Variants in ADGRB3 observed in about 807,000 individuals in gnomAD.
The protein encoded by ADGRB3 is brain-specific angiogenesis inhibitor 3.
ADGRB3 carries 37 observed loss-of-function variants against 193.4 expected under a neutral mutation model. That is an observed-to-expected ratio of 0.19 (90% CI 0.15 to 0.25). ADGRB3 has a LOEUF of 0.25. Ranked by LOEUF, ADGRB3 falls within the 10% of genes least tolerant of loss-of-function variation. The pLI, the probability that ADGRB3 is intolerant of heterozygous loss-of-function variation, is 1.00. For synonymous variants in ADGRB3, 690 were observed against 644.2 expected, an observed-to-expected ratio of 1.07 and a Z score of -1.08; for missense variants, 1,637 against 1,852.9, an observed-to-expected ratio of 0.88 and a Z score of 2.14.
intron 17 of ADGRB3, among the ~76,000 whole-genome samples, chr6:69,176,829 G>T (rs1361805452): frequency 1.3e-5 from 2 of 152,062 alleles, no homozygotes; most frequent in Non-Finnish European, 2.9e-5. Flanking sequence ...TCTGCTCAGG[G>T]TTTCAATTTC....
At chr6:69,182,408 G>GAAA (rs35063094) in intron 17 of ADGRB3, among the ~76,000 whole-genome samples, 17 of 138,602 alleles carry the variant, frequency 1.2e-4, no homozygotes, top group Non-Finnish European at 1.4e-4. Context: ...ACAACAACAA[G>GAAA]AAAAAAAAAA....
intron 3 of ADGRB3, among the ~76,000 whole-genome samples, chr6:68,749,264 C>T (rs6455297): frequency 0.4 from 60,342 of 151,960 alleles, 12,637 homozygotes; most frequent in African/African-American, 0.52. Context: ...TCTTTTCTGT[C>T]GCATAGTCAG....
At chr6:68,728,252 G>T (rs1156480941) in intron 3 of ADGRB3, among the ~76,000 whole-genome samples, 1 of 151,126 alleles carries the variant, frequency 6.6e-6, no homozygotes, top group Admixed American at 6.6e-5. Flanking sequence ...GTGATGTTTG[G>T]TAGCTCCCAA....
At chr6:69,013,884 G>T (rs1392135848) in intron 11 of ADGRB3, among the ~76,000 whole-genome samples, 154 bp from the exon 12 acceptor site, 1 of 152,050 alleles carries the variant, frequency 6.6e-6, no homozygotes, top group South Asian at 2.1e-4. Flanking sequence ...TCTGTAAAAG[G>T]ATCCTCAGTG....
chr6:69,266,770 G>A (rs987122423), intron 20 of ADGRB3, among the ~76,000 whole-genome samples: 16 of 151,972 alleles, frequency 1.1e-4, no homozygotes, highest in Non-Finnish European at 1.9e-4. Context: ...TGGAGATAGA[G>A]CATTGCAATG....
intron 17 of ADGRB3, among the ~76,000 whole-genome samples, chr6:69,170,321 A>G (rs2150347639): frequency 6.6e-6 from 1 of 152,306 alleles, no homozygotes; most frequent in Non-Finnish European, 1.5e-5. Context: ...TCTCAACAGC[A>G]TACTCTTTGC....
intron 23 of ADGRB3, chr6:69,331,884 G>T (rs1768739095): frequency 1.0e-6 from 1 of 984,982 alleles, no homozygotes; most frequent in Non-Finnish European, 1.2e-6. Flanking sequence ...AGATGAATAA[G>T]TATTCTCTTG....
chr6:68,802,748 A>G (rs1421506693), intron 3 of ADGRB3, among the ~76,000 whole-genome samples: 1 of 152,200 alleles, frequency 6.6e-6, no homozygotes, highest in African/African-American at 2.4e-5. Flanking sequence ...TGGATTCATC[A>G]TGGGAACCCA....
At chr6:68,876,071 A>C (rs1171303853) in intron 3 of ADGRB3, among the ~76,000 whole-genome samples, 2 of 152,128 alleles carry the variant, frequency 1.3e-5, no homozygotes, top group East Asian at 3.8e-4. Flanking sequence ...GCTACTCTTA[A>C]TTTTAAATAT....
chr6:68,999,427 G>A (rs976513312), intron 11 of ADGRB3, among the ~76,000 whole-genome samples: 14 of 151,842 alleles, frequency 9.2e-5, no homozygotes, highest in Non-Finnish European at 1.0e-4. Flanking sequence ...ACCACGCCCC[G>A]CTAATTTTTT....
chr6:68,900,981 C>T, intron 3 of ADGRB3, among the ~76,000 whole-genome samples: 1 of 152,086 alleles, frequency 6.6e-6, no homozygotes, highest in Admixed American at 6.5e-5. Context: ...GGAAATAAAA[C>T]ATGCTAATAG....
At chr6:68,994,692 C>T (rs138024749) in intron 11 of ADGRB3, among the ~76,000 whole-genome samples, 127 of 152,244 alleles carry the variant, frequency 8.3e-4, no homozygotes, top group African/African-American at 3.0e-3. Context: ...AAAGGTACTT[C>T]TACAAAGACT....
chr6:68,919,577 A>G (rs1053582837), intron 3 of ADGRB3, among the ~76,000 whole-genome samples: 4 of 152,198 alleles, frequency 2.6e-5, no homozygotes, highest in African/African-American at 9.7e-5. Flanking sequence ...ACTCACATTT[A>G]GAGGATGAAG....
chr6:68,911,106 A>C (rs983735395), intron 3 of ADGRB3, among the ~76,000 whole-genome samples: 1 of 152,126 alleles, frequency 6.6e-6, no homozygotes, highest in Non-Finnish European at 1.5e-5. Flanking sequence ...TGATGAGTTC[A>C]TGTCTTTGTA....
chr6:68,637,940 G>T (rs1224733948), intron 2 of ADGRB3, among the ~76,000 whole-genome samples: 1 of 152,100 alleles, frequency 6.6e-6, no homozygotes, highest in Non-Finnish European at 1.5e-5. Context: ...TGAACAACAA[G>T]TCTTCCCTAT....
chr6:69,235,125 G>A lies in ADGRB3; in HGVS notation c.2701G>A (p.Ala901Thr), dbSNP rs1364642905. 6.2e-7 allele frequency: 1 copy of A among 1,603,028 alleles called. No homozygotes were observed. The highest frequency in any genetic ancestry group is 8.5e-7 in the Non-Finnish European group (1 of 1,170,266). Residue 901 changes from alanine to threonine, a missense_variant, in exon 19 of 32, where the codon GCA becomes ACA. This residue lies in a region of ADGRB3 where 641 missense variants were observed against 673.9 expected (regional missense o/e 0.95). Coordinates refer to ENST00000370598, the MANE Select transcript of ADGRB3 (RefSeq NM_001704.3). ...ALITLAVVYA[A>T]LWRYIRSERS... ...GATTACCCTAGCAGTTGTCTATGCA[G>A]CATTATGGAGGTAAGTAATCAATTG... is the stretch of plus-strand genomic sequence containing the variant.
chr6:69,333,892 T>A (rs937224563), intron 24 of ADGRB3, among the ~76,000 whole-genome samples: 2 of 149,390 alleles, frequency 1.3e-5, no homozygotes, highest in African/African-American at 4.9e-5. Flanking sequence ...ATCGCGCCAC[T>A]GCACTCCAGC....
intron 3 of ADGRB3, among the ~76,000 whole-genome samples, chr6:68,743,770 C>T (rs1449001319): frequency 6.6e-6 from 1 of 152,064 alleles, no homozygotes; most frequent in African/African-American, 2.4e-5. Context: ...AACTAAATAA[C>T]AGAATTGTAG....
intron 11 of ADGRB3, among the ~76,000 whole-genome samples, chr6:69,000,422 G>A (rs116331171): frequency 0.022 from 3,360 of 152,208 alleles, 151 homozygotes; most frequent in African/African-American, 0.077. Context: ...TGTTGTTGAT[G>A]CACTAACATT....
Sources: allele counts gnomAD v4.1 joint callset (sites outside exome capture counted in the v4.1 genomes callset), GRCh38; gene constraint gnomAD v4.1.1; regional missense constraint gnomAD v4.1.1; transcripts MANE v1.5; gene names NCBI Gene and HGNC (gene_info 2026-07-23, HGNC 2026-07-21).